The following FBXL17 variants were observed in gnomAD, a reference collection of about 807,000 sequenced individuals.
FBXL17 encodes the protein F-box/LRR-repeat protein 17.
Under a neutral mutation model 66.2 loss-of-function variants are expected in FBXL17, and 22 were observed. The observed-to-expected ratio is 0.33, with a 90% confidence interval of 0.24 to 0.47. The LOEUF is 0.47. FBXL17 is among the 20% of genes least tolerant of loss of function. The pLI is 1.00. For missense variants in FBXL17, 878 were observed against 948.2 expected (o/e 0.93, Z 0.97); for synonymous variants, 474 against 400.5 (o/e 1.18, Z -2.19).
At chr5:108,379,536 T>C (rs1251952063) in intron 1 of FBXL17, among the ~76,000 whole-genome samples, 1 of 152,194 alleles carries the variant, frequency 6.6e-6, no homozygotes, top group African/African-American at 2.4e-5. Flanking sequence ...CACACAGTAC[T>C]GTAAATATGC....
At chr5:107,881,965 C>T (rs1748808054) in intron 7 of FBXL17, among the ~76,000 whole-genome samples, 1 of 152,174 alleles carries the variant, frequency 6.6e-6, no homozygotes, top group Non-Finnish European at 1.5e-5. Flanking sequence ...ACTGCAAAGT[C>T]CCATAACCCA....
Position 107,875,408 on chromosome 5 carries a change from A to G in FBXL17, c.1965+5629T>C, listed in dbSNP as rs1445978851. On this transcript the variant is annotated intron_variant, in intron 8 of 8. Transcript: ENST00000542267. ...TCCTAAACAAGCTGATAAAAACTCCATTTTCTCCACAGAAATATTTAGGTT... is the reference window on the plus strand; with the variant it reads ...TCCTAAACAAGCTGATAAAAACTCCGTTTTCTCCACAGAAATATTTAGGTT... 3.3e-5 allele frequency among the ~76,000 whole-genome samples: 5 copies of G among 152,014 alleles called. No homozygotes were observed. In the East Asian group the frequency reaches 9.6e-4, roughly 29 times the overall value.
At chr5:107,953,720 G>A (rs559330663) in intron 7 of FBXL17, among the ~76,000 whole-genome samples, 2 of 152,208 alleles carry the variant, frequency 1.3e-5, no homozygotes, top group Admixed American at 6.5e-5. Flanking sequence ...GCATGAAATC[G>A]TAAGATCATC....
At chr5:108,186,042 T>A in intron 6 of FBXL17, 75 bp downstream of exon 6, 2 of 1,206,056 alleles carry the variant, frequency 1.7e-6, no homozygotes, top group South Asian at 1.4e-5. Flanking sequence ...GTTATAGACA[T>A]GCCTTGTTAT....
chr5:108,126,353 T>G (rs1055338446), intron 6 of FBXL17, among the ~76,000 whole-genome samples: 30 of 152,118 alleles, frequency 2.0e-4, no homozygotes, highest in Non-Finnish European at 4.3e-4. Flanking sequence ...CCCTCTATTT[T>G]CATTTAAGAT....
chr5:108,103,870 C>T (rs1381297673), intron 6 of FBXL17, among the ~76,000 whole-genome samples: 1 of 152,188 alleles, frequency 6.6e-6, no homozygotes, highest in African/African-American at 2.4e-5. Flanking sequence ...CAGTCCCCAA[C>T]CAAGTCACTG....
intron 6 of FBXL17, among the ~76,000 whole-genome samples, chr5:108,069,912 C>G (rs1238566125): frequency 6.6e-6 from 1 of 152,134 alleles, no homozygotes; most frequent in Non-Finnish European, 1.5e-5. Flanking sequence ...AGACAGCACT[C>G]CAGTGGTCAA....
At position 108,319,069 on chromosome 5, in the gene FBXL17, C is replaced by T. The variant is rs1759500170; in HGVS notation, c.1506+29330G>A. On this transcript the variant is annotated intron_variant, in intron 4 of 8. Coordinates refer to ENST00000542267, the MANE Select transcript of FBXL17 (RefSeq NM_001163315.3). ...ACAAGGTGAGGACACACGGCACTGC[C>T]TTCCAATTGTTTTATTCTACCCAAA... is the stretch of plus-strand genomic sequence containing the variant. Among the ~76,000 whole-genome samples the T allele has an allele frequency of 3.3e-5, 5 of 151,986 alleles. No homozygotes were observed. The South Asian group carries it at 1.0e-3, about 31-fold the overall frequency.
chr5:108,019,422 G>A (rs1371557160), intron 7 of FBXL17, among the ~76,000 whole-genome samples: 1 of 151,974 alleles, frequency 6.6e-6, no homozygotes, highest in Non-Finnish European at 1.5e-5. Context: ...GATAAAGTGT[G>A]ACTTTAACAA....
chr5:108,259,817 A>C (rs565332427), intron 4 of FBXL17, among the ~76,000 whole-genome samples: 1 of 152,308 alleles, frequency 6.6e-6, no homozygotes, highest in Non-Finnish European at 1.5e-5. Context: ...ACGTGAAAGC[A>C]AGCAATAGAT....
intron 4 of FBXL17, among the ~76,000 whole-genome samples, chr5:108,328,407 C>T (rs1271254196): frequency 6.6e-6 from 1 of 151,654 alleles, no homozygotes; most frequent in African/African-American, 2.4e-5. Context: ...TCAAAATTAT[C>T]AACAAGATAA....
chr5:108,082,990 G>A (rs934030092), intron 6 of FBXL17, among the ~76,000 whole-genome samples: 3 of 152,116 alleles, frequency 2.0e-5, no homozygotes, highest in Non-Finnish European at 4.4e-5. Context: ...GCAATGTTGT[G>A]TAGCAGTATT....
At chr5:108,111,491 G>C (rs1750033250) in intron 6 of FBXL17, among the ~76,000 whole-genome samples, 2 of 152,176 alleles carry the variant, frequency 1.3e-5, no homozygotes, top group Admixed American at 6.5e-5. Context: ...GGAACTAAGA[G>C]AAAAGGCTGT....
chr5:108,333,887 A>G (rs941377506), intron 4 of FBXL17, among the ~76,000 whole-genome samples: 3 of 152,170 alleles, frequency 2.0e-5, no homozygotes, highest in African/African-American at 7.2e-5. Flanking sequence ...TTAGTGAGGT[A>G]ACTTCCCAAA....
chr5:108,275,169 G>A (rs1261884464), intron 4 of FBXL17, among the ~76,000 whole-genome samples: 1 of 152,164 alleles, frequency 6.6e-6, no homozygotes, highest in African/African-American at 2.4e-5. Flanking sequence ...ATGCAAATGT[G>A]CAACTTATAA....
intron 6 of FBXL17, among the ~76,000 whole-genome samples, chr5:108,116,338 A>G (rs528183192): frequency 6.6e-6 from 1 of 152,082 alleles, no homozygotes; most frequent in East Asian, 1.9e-4. Flanking sequence ...CAAATCGGGC[A>G]ATTAAAAATA....
chr5:108,140,511 AT>A (rs2149985456), intron 6 of FBXL17, among the ~76,000 whole-genome samples: 1 of 152,136 alleles, frequency 6.6e-6, no homozygotes, highest in South Asian at 2.1e-4. Context: ...AACTTTGCCT[AT>A]TTTTCAAATG....
intron 6 of FBXL17, among the ~76,000 whole-genome samples, chr5:108,089,530 G>T (rs1475946802): frequency 6.6e-6 from 1 of 152,132 alleles, no homozygotes; most frequent in African/African-American, 2.4e-5. Flanking sequence ...CCTCAGGGAA[G>T]ATCCTCATGG....
At chr5:108,222,574 C>G (rs1201434896) in intron 5 of FBXL17, among the ~76,000 whole-genome samples, 1 of 152,010 alleles carries the variant, frequency 6.6e-6, no homozygotes, top group African/African-American at 2.4e-5. Context: ...ATACTACAAC[C>G]ACAGGCTCTC....
Sources: gnomAD v4.1 joint callset for allele counts (sites outside exome capture counted in the v4.1 genomes callset) on GRCh38, gnomAD v4.1.1 for gene constraint, MANE v1.5 for transcripts, NCBI Gene and HGNC (gene_info 2026-07-23, HGNC 2026-07-21) for gene names.